The following RASA1 variants were observed in gnomAD, a reference collection of about 807,000 sequenced individuals.
The protein encoded by RASA1 is ras GTPase-activating protein 1.
In RASA1, 25 loss-of-function variants were observed where a neutral mutation model predicts 132.2. The ratio of observed to expected loss-of-function variants is 0.19; its 90% CI spans 0.14 to 0.26. The LOEUF (loss-of-function observed/expected upper bound fraction) is 0.26, where lower values mean the gene tolerates loss of function less well. RASA1 is among the 10% of genes least tolerant of loss of function. The pLI, the probability that RASA1 is intolerant of heterozygous loss-of-function variation, is 1.00. For missense variants in RASA1, 964 were observed against 1,299.2 expected, an observed-to-expected ratio of 0.74 and a Z score of 3.97; for synonymous variants, 477 against 449.9, an observed-to-expected ratio of 1.06 and a Z score of -0.76.
chr5:87,372,979 A>G (rs1398394798), intron 13 of RASA1, among the ~76,000 whole-genome samples: 1 of 152,164 alleles, frequency 6.6e-6, no homozygotes, highest in African/African-American at 2.4e-5. Context: ...AGGGAAATTT[A>G]AGTATACACA....
chr5:87,374,214 C>A lies in RASA1; in HGVS notation c.1828C>A (p.His610Asn). 1 of 1,581,020 alleles carries A rather than the reference C, an allele frequency of 6.3e-7. No individual in the cohort carries two copies. Among genetic ancestry groups the A allele is most frequent in the Non-Finnish European group, 8.6e-7 (1 of 1,161,222 alleles). The change falls in exon 14 of 25, where the codon CAT (histidine) becomes AAT (asparagine). Residue 610 changes from histidine to asparagine, a missense_variant. This residue lies in a region of RASA1 where 346 missense variants were observed against 520.1 expected (regional missense o/e 0.67). Transcript: ENST00000274376. The stretch of plus-strand genomic sequence containing the variant: ...AGAAGCCCATAAACTCCCAGTAAAA[C>A]ATTTTACTAATCCATATTGTAACAT... ...IEEAHKLPVK[H>N]FTNPYCNIYL...
At chr5:87,304,265 TA>T (rs1755507031) in intron 1 of RASA1, among the ~76,000 whole-genome samples, 1 of 152,246 alleles carries the variant, frequency 6.6e-6, no homozygotes, top group South Asian at 2.1e-4. Flanking sequence ...ACATCTCTTA[TA>T]AGTGGGTTTT....
chr5:87,348,809 A>G (rs1478761140), intron 7 of RASA1, among the ~76,000 whole-genome samples: 1 of 151,940 alleles, frequency 6.6e-6, no homozygotes, highest in African/African-American at 2.4e-5. Flanking sequence ...AGCACAGAGT[A>G]TTCTTAAGCA....
chr5:87,369,786 C>T, intron 11 of RASA1, 27 bp from the exon 12 acceptor site: 3 of 1,530,954 alleles, frequency 2.0e-6, no homozygotes, highest in Non-Finnish European at 2.7e-6. Context: ...ATTAAGCTTC[C>T]TAATAATTTT....
chr5:87,302,140 C>A (rs1355845684), intron 1 of RASA1, among the ~76,000 whole-genome samples: 6 of 151,974 alleles, frequency 3.9e-5, no homozygotes, highest in Non-Finnish European at 7.4e-5. Context: ...GTGTTTGTAC[C>A]CATTTAAATT....
intron 13 of RASA1, 117 bp from the exon 14 acceptor site, chr5:87,374,046 A>G (rs1484477908): frequency 1.1e-6 from 1 of 935,560 alleles, no homozygotes. Context: ...TTTCTGAAAA[A>G]AAAGGGGAAA....
chr5:87,354,335 G>A (rs1759495715), intron 9 of RASA1, among the ~76,000 whole-genome samples: 1 of 152,016 alleles, frequency 6.6e-6, no homozygotes, highest in Non-Finnish European at 1.5e-5. Flanking sequence ...TCCAAAGCAG[G>A]TGCTCATTTG....
chr5:87,379,818 G>C lies in RASA1; in HGVS notation c.2571G>C (p.Glu857Asp). 1 of 1,612,752 alleles carries C rather than the reference G, an allele frequency of 6.2e-7. No homozygotes were observed. The highest frequency in any genetic ancestry group is 8.5e-7 in the Non-Finnish European group (1 of 1,179,106). Residue 857 changes from glutamate (E) to aspartate (D), a missense_variant, in exon 19 of 25, where the codon GAG (glutamate) becomes GAC (aspartate). Around this residue, in one of 6 missense-constraint regions of RASA1, gnomAD observed 346 missense variants for 520.1 expected, o/e 0.67. Coordinates refer to ENST00000274376, the MANE Select transcript of RASA1 (RefSeq NM_002890.3). The part of the protein sequence containing the change: ...HLLNILSELV[E>D]KIFMASEILP... The stretch of plus-strand genomic sequence containing the variant: ...TGAACATACTTTCAGAGCTTGTGGA[G>C]AAAATATTCATGGCTTCAGAAATAC...
chr5:87,357,954 A>G (rs1304397192), intron 9 of RASA1, among the ~76,000 whole-genome samples: 2 of 152,194 alleles, frequency 1.3e-5, no homozygotes, highest in African/African-American at 2.4e-5. Context: ...TTTGTAGTCT[A>G]TTATTTTGGA....
At chr5:87,286,778 C>A (rs529473794) in intron 1 of RASA1, among the ~76,000 whole-genome samples, 6 of 151,098 alleles carry the variant, frequency 4.0e-5, no homozygotes, top group Non-Finnish European at 8.9e-5. Context: ...GATTTTACAC[C>A]TGTGACCCAG....
At chr5:87,389,279 C>T (rs776418789) in intron 23 of RASA1, 114 bp from the exon 24 acceptor site, 17 of 1,380,870 alleles carry the variant, frequency 1.2e-5, no homozygotes, top group African/African-American at 2.9e-5. Context: ...TGCAGTGAGC[C>T]GAGATCATGC....
intron 1 of RASA1, among the ~76,000 whole-genome samples, chr5:87,309,303 T>G (rs1242016948): frequency 6.6e-6 from 1 of 152,120 alleles, no homozygotes; most frequent in Non-Finnish European, 1.5e-5. Flanking sequence ...TATAGAATTC[T>G]AGAAGGTAGT....
At chr5:87,276,774 G>A (rs1754078620) in intron 1 of RASA1, among the ~76,000 whole-genome samples, 1 of 152,120 alleles carries the variant, frequency 6.6e-6, no homozygotes, top group Non-Finnish European at 1.5e-5. Context: ...ATTAACTTTT[G>A]TAACATTTGT....
chr5:87,376,825 T>C (rs1761359021), intron 16 of RASA1, 56 bp from the exon 17 acceptor site: 8 of 1,500,770 alleles, frequency 5.3e-6, no homozygotes, highest in Non-Finnish European at 7.4e-6. Flanking sequence ...GTTAGTCTCA[T>C]GGAGCATGCT....
chr5:87,379,434 TTAAA>T (rs1040679688), intron 18 of RASA1, among the ~76,000 whole-genome samples: 5 of 152,206 alleles, frequency 3.3e-5, no homozygotes, highest in African/African-American at 1.2e-4. Flanking sequence ...TTATTAGCCA[TTAAA>T]TAAGCCTCAT....
At chr5:87,383,592 TTA>T in intron 20 of RASA1, 119 bp from the exon 21 acceptor site, 7 of 699,106 alleles carry the variant, frequency 1.0e-5, no homozygotes, top group Non-Finnish European at 1.7e-5. Context: ...TTTTATTGGT[TTA>T]GAGTGAATTT....
chr5:87,371,028 TAC>T (rs1308504633), intron 12 of RASA1, among the ~76,000 whole-genome samples: 1 of 152,160 alleles, frequency 6.6e-6, no homozygotes, highest in Non-Finnish European at 1.5e-5. Context: ...TTTGGTAACT[TAC>T]ATGATTTTTT....
intron 1 of RASA1, among the ~76,000 whole-genome samples, chr5:87,292,976 A>T (rs902276802): frequency 6.6e-6 from 1 of 152,144 alleles, no homozygotes; most frequent in Non-Finnish European, 1.5e-5. Context: ...GTATTCTGCA[A>T]CCTTGCTTGT....
At chr5:87,316,461 GTTC>G (rs1284883670) in intron 1 of RASA1, among the ~76,000 whole-genome samples, 2 of 152,098 alleles carry the variant, frequency 1.3e-5, no homozygotes, top group Admixed American at 6.5e-5. Flanking sequence ...ACAACCAAAG[GTTC>G]TTCTTCATTT....
Sources: gnomAD v4.1 joint callset for allele counts (sites outside exome capture counted in the v4.1 genomes callset) on GRCh38, gnomAD v4.1.1 for gene constraint, gnomAD v4.1.1 regional missense constraint, MANE v1.5 for transcripts, NCBI Gene and HGNC (gene_info 2026-07-23, HGNC 2026-07-21) for gene names.